PCDHGA6: variants seen among roughly 807,000 people sequenced by gnomAD.
The protein encoded by PCDHGA6 is protocadherin gamma-A6.
Under a neutral mutation model 60.6 loss-of-function variants are expected in PCDHGA6, and 41 were observed. The observed-to-expected ratio is 0.68, with a 90% CI of 0.53 to 0.88. PCDHGA6 has a LOEUF of 0.88. PCDHGA6 is among the 40% of genes least tolerant of loss of function. The pLI is 0.00. For synonymous variants in PCDHGA6, 594 were observed against 524.4 expected (o/e 1.13, Z -1.81); for missense variants, 1,312 against 1,203.0 (o/e 1.09, Z -1.34).
At chr5:141,379,106 T>C (rs1181116789) in intron 1 of PCDHGA6, 3 of 152,192 alleles carry the variant, frequency 2.0e-5, no homozygotes, top group Non-Finnish European at 4.4e-5. Context: ...AAAAAAGCAA[T>C]TGAGAAGATA....
In PCDHGA6 at chr5:141,404,943, TAGCTGAC is replaced by T. The variant is rs770372146; in HGVS notation, c.2424+28440_2424+28446del. On this transcript the variant is annotated intron_variant, in intron 1 of 3. Transcript: ENST00000517434. ...GCCACTGTCACGCTCACAGTAGCCA[TAGCTGAC>T]AGCATCCCAGACATCCTGGCTGACC... 24 of 1,613,914 alleles carry T rather than the reference TAGCTGAC, an allele frequency of 1.5e-5. No individual in the cohort carries two copies. In the East Asian group the frequency reaches 4.0e-4, roughly 27 times the overall value.
chr5:141,415,602 A>G (rs1208876851), intron 1 of PCDHGA6: 2 of 1,613,602 alleles, frequency 1.2e-6, no homozygotes, highest in African/African-American at 2.7e-5. Flanking sequence ...AGGATACCCC[A>G]TTGGTTCCAG....
At chr5:141,394,299 C>T (rs1420097652) in intron 1 of PCDHGA6, 1 of 1,613,884 alleles carries the variant, frequency 6.2e-7, no homozygotes, top group Non-Finnish European at 8.5e-7. Flanking sequence ...CGAGGACACG[C>T]TGCAGGGGGC....
chr5:141,482,740 G>A (rs1288861437), intron 1 of PCDHGA6, among the ~76,000 whole-genome samples: 1 of 127,398 alleles, frequency 7.8e-6, no homozygotes, highest in African/African-American at 3.6e-5. Context: ...GAAATTCCAT[G>A]CAGAGGGATT....
rs1471215172 is a variant in PCDHGA6 at position 141,511,840 on chromosome 5, TCTG to T, written c.*668_*670del. 1 of 156,722 alleles carries T rather than the reference TCTG, an allele frequency of 6.4e-6. No homozygotes were observed. Among genetic ancestry groups the T allele is most frequent in the African/African-American group, 2.4e-5 (1 of 41,448 alleles). The allele number at this position is 156,722 out of a possible 1,614,324, so 9.7% of individuals were successfully genotyped here. A position where few individuals can be genotyped will look rare whatever the true frequency, so the allele number is the denominator to read the frequency against. On this transcript the variant is annotated 3_prime_UTR_variant, in exon 4 of 4. Coordinates refer to ENST00000517434, the MANE Select transcript of PCDHGA6 (RefSeq NM_018919.3). ...TTCCCAACGCCCTGGGGACCAGTCTTCTGTTTTGTTTTTCATTGTTTGACGTTT... is the reference window on the plus strand; with the variant it reads ...TTCCCAACGCCCTGGGGACCAGTCTTTTTTGTTTTTCATTGTTTGACGTTT...
intron 1 of PCDHGA6, chr5:141,409,041 A>T: frequency 6.2e-7 from 1 of 1,613,982 alleles, no homozygotes; most frequent in Non-Finnish European, 8.5e-7. Flanking sequence ...ATAAACTACT[A>T]CTTCCGAAGC....
At chr5:141,508,835 C>T (rs1190105775) in intron 3 of PCDHGA6, among the ~76,000 whole-genome samples, 12 of 152,158 alleles carry the variant, frequency 7.9e-5, no homozygotes, top group African/African-American at 2.9e-4. Flanking sequence ...CCCCCCTCCC[C>T]TACCCCTTCC....
At chr5:141,433,847 A>AAAAAAAC (rs1296633381) in intron 1 of PCDHGA6, among the ~76,000 whole-genome samples, 1 of 151,976 alleles carries the variant, frequency 6.6e-6, no homozygotes, top group Non-Finnish European at 1.5e-5. Flanking sequence ...CAAAAAAAAA[A>AAAAAAAC]AAAAAAAACT....
chr5:141,432,400 G>A lies in PCDHGA6; in HGVS notation c.2424+55893G>A, dbSNP rs139153105. ...ACCCGCCCCTCAGCAGCAACGTGTC[G>A]TTGAGCCTGTTCGTGCTGGACCAGA... On this transcript the variant is annotated intron_variant, in intron 1 of 3. Transcript: ENST00000517434. The surrounding 1 kb of genome is among the most constrained non-coding windows in gnomAD (Gnocchi z 6.0). 5.6e-6 allele frequency: 9 copies of A among 1,614,122 alleles called. No homozygotes were observed. In the East Asian group the frequency reaches 6.7e-5, roughly 12 times the overall value.
chr5:141,454,385 T>C (rs1168439343), intron 1 of PCDHGA6, among the ~76,000 whole-genome samples: 5 of 152,194 alleles, frequency 3.3e-5, no homozygotes, highest in Non-Finnish European at 7.4e-5. Flanking sequence ...CTTGTCAAGA[T>C]GAAGAAAAGG....
chr5:141,403,671 C>T (rs1322750068), intron 1 of PCDHGA6: 3 of 1,613,786 alleles, frequency 1.9e-6, no homozygotes, highest in African/African-American at 1.3e-5. Flanking sequence ...GATAATGCCC[C>T]GGTTTTTGCT....
At chr5:141,403,010 C>G in intron 1 of PCDHGA6, 1 of 1,614,058 alleles carries the variant, frequency 6.2e-7, no homozygotes, top group Non-Finnish European at 8.5e-7. Flanking sequence ...ATGCTCGCTC[C>G]TGGGGATGCT....
chr5:141,494,048 G>C (rs764072099), intron 1 of PCDHGA6, among the ~76,000 whole-genome samples: 3 of 152,148 alleles, frequency 2.0e-5, no homozygotes, highest in Non-Finnish European at 2.9e-5. Flanking sequence ...GGCCCTGCTT[G>C]GAGGCTGTGG....
chr5:141,487,684 C>G lies in PCDHGA6; in HGVS notation c.2425-7123C>G. On this transcript the variant is annotated intron_variant, in intron 1 of 3. Coordinates refer to ENST00000517434, the MANE Select transcript of PCDHGA6 (RefSeq NM_018919.3). The surrounding 1 kb of genome is among the most constrained non-coding windows in gnomAD (Gnocchi z 5.0). ...ATCCAGGCATATGGCTAGGCCATGT[C>G]CTAGAGAGTACTGGCCTCTCAGTAA... is the stretch of plus-strand genomic sequence containing the variant. The G allele has an allele frequency of 6.2e-7, 1 of 1,607,562 alleles. No individual in the cohort carries two copies. Among genetic ancestry groups the G allele is most frequent in the East Asian group, 2.2e-5 (1 of 44,768 alleles).
intron 1 of PCDHGA6, chr5:141,423,913 C>T: frequency 7.9e-7 from 1 of 1,269,552 alleles, no homozygotes; most frequent in Non-Finnish European, 1.0e-6. Context: ...AGGGGCCATT[C>T]AACTATGCTG....
Position 141,376,105 on chromosome 5 carries a change from C to T in PCDHGA6, c.2022C>T (p.Asp674=). 4 of 1,613,734 alleles carry T rather than the reference C, an allele frequency of 2.5e-6. No homozygotes were observed. The highest frequency in any genetic ancestry group is 2.5e-6 in the Non-Finnish European group (3 of 1,179,934). The change falls in exon 1 of 4, where the codon GAC becomes GAT. Residue 674 remains aspartate (D), a synonymous_variant. Coordinates refer to ENST00000517434, the MANE Select transcript of PCDHGA6 (RefSeq NM_018919.3). ...VADRIPDILA[D]LGSLEPSAKP... ...ACAGGATCCCCGACATCCTGGCCGA[C>T]CTGGGCAGCCTCGAGCCCTCCGCCA...
chr5:141,448,966 A>G (rs981772425), intron 1 of PCDHGA6, among the ~76,000 whole-genome samples: 5 of 152,118 alleles, frequency 3.3e-5, no homozygotes, highest in Non-Finnish European at 7.4e-5. Context: ...CAAACAAACA[A>G]AAAAGAACTT....
intron 1 of PCDHGA6, chr5:141,414,451 G>C (rs1390702349): frequency 1.9e-6 from 3 of 1,613,874 alleles, no homozygotes; most frequent in Non-Finnish European, 2.5e-6. Context: ...CAATATCACA[G>C]TGACAGCCAC....
Position 141,431,067 on chromosome 5 carries a change from A to G in PCDHGA6, c.2424+54560A>G. The G allele has an allele frequency of 1.2e-6, 2 of 1,614,164 alleles. No homozygotes were observed. Among genetic ancestry groups the G allele is most frequent in the Non-Finnish European group, 1.7e-6 (2 of 1,179,976 alleles). Reference sequence around the variant, plus strand: ...CTCTGTATGGGGGCCATCAAGTGTCAATTAAATCTAGACATTCTGATGGAG... The same window carrying G: ...CTCTGTATGGGGGCCATCAAGTGTCGATTAAATCTAGACATTCTGATGGAG... On this transcript the variant is annotated intron_variant, in intron 1 of 3. Transcript: ENST00000517434. This position sits in a 1 kb window ranked among gnomAD's most constrained non-coding sequence, Gnocchi z 4.8.
Sources: allele counts gnomAD v4.1 joint callset (sites outside exome capture counted in the v4.1 genomes callset), GRCh38; gene constraint gnomAD v4.1.1; non-coding constraint Gnocchi (gnomAD v3.1); transcripts MANE v1.5; gene names NCBI Gene and HGNC (gene_info 2026-07-23, HGNC 2026-07-21).